NSMF: variants seen among roughly 807,000 people sequenced by gnomAD.
The protein encoded by NSMF is nasal embryonic LHRH factor.
In NSMF, 31 loss-of-function variants were observed where a neutral mutation model predicts 71.0. The ratio of observed to expected loss-of-function variants is 0.44; its 90% confidence interval spans 0.33 to 0.59. The LOEUF is 0.59. Ranked by LOEUF, NSMF falls within the 20% of genes least tolerant of loss-of-function variation. The pLI, the probability that NSMF is intolerant of heterozygous loss-of-function variation, is 0.04. For synonymous variants in NSMF, 345 were observed against 287.1 expected (o/e 1.20, Z -2.04); for missense variants, 673 against 740.5 (o/e 0.91, Z 1.06).
chr9:137,452,330 C>T (rs1564260837), intron 12 of NSMF, 35 bp downstream of exon 12: 1 of 1,572,138 alleles, frequency 6.4e-7, no homozygotes, highest in Non-Finnish European at 8.7e-7. Context: ...CACCACGATT[C>T]TTCTCCTGGT....
chr9:137,457,758 C>A lies in NSMF; in HGVS notation c.277G>T (p.Ala93Ser). Reference protein sequence around the residue: ...LSEEPSIRKPAGEGPQPRVYT... With the variant: ...LSEEPSIRKPSGEGPQPRVYT... ...ACTCGAGGCTGAGGGCCCTCGCCTGCGGGCTTCCTAATGCTGGGCTCCTCT... is the reference window on the plus strand; with the variant it reads ...ACTCGAGGCTGAGGGCCCTCGCCTGAGGGCTTCCTAATGCTGGGCTCCTCT... The change falls in exon 3 of 16, where the codon GCA becomes TCA. Residue 93 changes from alanine to serine, a missense_variant. By Grantham distance (99) the Ala-to-Ser change is moderately conservative. Coordinates refer to ENST00000371475, the MANE Select transcript of NSMF (RefSeq NM_001130969.3). The A allele has an allele frequency of 6.4e-7, 1 of 1,559,654 alleles. No homozygotes were observed. Among genetic ancestry groups the A allele is most frequent in the Non-Finnish European group, 8.7e-7 (1 of 1,151,986 alleles).
intron 9 of NSMF, 101 bp downstream of exon 9, chr9:137,452,955 G>A: frequency 6.3e-7 from 1 of 1,584,518 alleles, no homozygotes; most frequent in Non-Finnish European, 8.6e-7. Context: ...CCCCCAGGCA[G>A]CTGGAGAAGG....
intron 2 of NSMF, among the ~76,000 whole-genome samples, chr9:137,458,225 G>A (rs1458888437): frequency 6.6e-6 from 1 of 152,206 alleles, no homozygotes; most frequent in Admixed American, 6.5e-5. Context: ...GGCCCCCAGA[G>A]GCAGTGGTGC....
chr9:137,455,820 C>T lies in NSMF; in HGVS notation c.705-186G>A, dbSNP rs546620195. 2.5e-3 allele frequency among the ~76,000 whole-genome samples: 387 copies of T among 152,344 alleles called. 5 individuals carry two copies. Among genetic ancestry groups the T allele is most frequent in the East Asian group, 2.5e-3 (13 of 5,182 alleles). On this transcript the variant is annotated intron_variant, in intron 4 of 15. Transcript: ENST00000371475. ...CTGCTGGCCAGCCCTGAATGGGCAA[C>T]GGAAGCTGATGTCACTGCAGCCCAT... is the stretch of plus-strand genomic sequence containing the variant.
rs557151082 is a variant in NSMF at position 137,455,691 on chromosome 9, C to CG, written c.705-58dup. 6.3e-4 allele frequency: 974 copies of CG among 1,546,780 alleles called. 5 individuals are homozygous for CG. In the African/African-American group the frequency reaches 0.012, roughly 19 times the overall value. Reference sequence around the variant, plus strand: ...AGAGAAGACACAGTGAGCTCAACCCCGGGCCTCCCCTCAGCCCCCACCCGG... The same window carrying CG: ...AGAGAAGACACAGTGAGCTCAACCCCGGGGCCTCCCCTCAGCCCCCACCCGG... On this transcript the variant is annotated intron_variant, in intron 4 of 15. Coordinates refer to ENST00000371475, the MANE Select transcript of NSMF (RefSeq NM_001130969.3).
intron 12 of NSMF, among the ~76,000 whole-genome samples, chr9:137,451,189 A>G (rs1196988483): frequency 3.9e-4 from 1 of 2,578 alleles, no homozygotes; most frequent in Admixed American, 4.3e-3. Flanking sequence ...GGTCTTCCCC[A>G]CCACACGCCT....
Position 137,452,418 on chromosome 9 carries a change from G to C in NSMF, c.1183C>G (p.Leu395Val). The change falls in exon 12 of 16, where the codon CTG becomes GTG. Residue 395 changes from leucine (L) to valine (V), a missense_variant. Physicochemically the swap from Leu to Val is conservative, Grantham distance 32 (BLOSUM62 1). Around this residue, in one of 2 missense-constraint regions of NSMF, gnomAD observed 202 missense variants for 280.8 expected, o/e 0.72. Coordinates refer to ENST00000371475, the MANE Select transcript of NSMF (RefSeq NM_001130969.3). Reference sequence around the variant, plus strand: ...TTGGCTCCCTTGTGGTAGACGTTCAGCTTCCTCTCTATCTCCTCTGTGGGA... The same window carrying C: ...TTGGCTCCCTTGTGGTAGACGTTCACCTTCCTCTCTATCTCCTCTGTGGGA... ...EDILEEIERK[L>V]NVYHKGAKIW... 2 of 1,612,570 alleles carry C rather than the reference G, an allele frequency of 1.2e-6. No homozygotes were observed. The highest frequency in any genetic ancestry group is 1.7e-6 in the Non-Finnish European group (2 of 1,179,880).
Position 137,453,663 on chromosome 9 carries a change from C to A in NSMF, c.922+68G>T. The A allele has an allele frequency of 3.8e-6, 5 of 1,305,820 alleles. No homozygotes were observed. The highest frequency in any genetic ancestry group is 5.2e-6 in the Non-Finnish European group (5 of 953,000). The allele number at this position is 1,305,820 out of a possible 1,614,324, so 80.9% of individuals were successfully genotyped here. Reference sequence around the variant, plus strand: ...CAGCCCAGCGGCCCTGGCAGGGGACCCCCAGCAGGGGTCTGGGGTCTAGGG... The same window carrying A: ...CAGCCCAGCGGCCCTGGCAGGGGACACCCAGCAGGGGTCTGGGGTCTAGGG... On this transcript the variant is annotated intron_variant, in intron 8 of 15. Coordinates refer to ENST00000371475, the MANE Select transcript of NSMF (RefSeq NM_001130969.3). The surrounding 1 kb of genome is among the most constrained non-coding windows in gnomAD (Gnocchi z 4.5).
At position 137,453,657 on chromosome 9, in the gene NSMF, G is replaced by A. The variant is rs1336496832; in HGVS notation, c.922+74C>T. The A allele has an allele frequency of 4.9e-6, 6 of 1,223,242 alleles. No homozygotes were observed. Among genetic ancestry groups the A allele is most frequent in the Non-Finnish European group, 6.8e-6 (6 of 881,906 alleles). 75.8% of individuals were successfully genotyped at this position (1,223,242 alleles called of 1,614,324 possible). A position where few individuals can be genotyped will look rare whatever the true frequency, so the allele number is the denominator to read the frequency against. ...AAAGCGCAGCCCAGCGGCCCTGGCA[G>A]GGGACCCCCAGCAGGGGTCTGGGGT... On this transcript the variant is annotated intron_variant, in intron 8 of 15. Coordinates refer to ENST00000371475, the MANE Select transcript of NSMF (RefSeq NM_001130969.3). This position sits in a 1 kb window ranked among gnomAD's most constrained non-coding sequence, Gnocchi z 4.5.
chr9:137,454,218 T>C (rs1053170687), intron 7 of NSMF, among the ~76,000 whole-genome samples, 173 bp downstream of exon 7: 11 of 15,256 alleles, frequency 7.2e-4, no homozygotes, highest in African/African-American at 3.1e-3. Context: ...GGGGCGTGGC[T>C]GGGAGGGGAG....
chr9:137,456,735 C>T (rs951034398), intron 3 of NSMF, among the ~76,000 whole-genome samples: 1 of 152,222 alleles, frequency 6.6e-6, no homozygotes, highest in Non-Finnish European at 1.5e-5. Flanking sequence ...TCCCTTTGGC[C>T]ACCCAAAGTT....
intron 12 of NSMF, 110 bp downstream of exon 12, chr9:137,452,255 C>T: frequency 1.8e-6 from 2 of 1,084,994 alleles, no homozygotes; most frequent in South Asian, 2.6e-5. Flanking sequence ...CTTGGTCTCC[C>T]CACCCCAACC....
In NSMF at chr9:137,449,250, G is replaced by A. The variant is rs1053466593; in HGVS notation, c.*144C>T. On this transcript the variant is annotated 3_prime_UTR_variant, in exon 16 of 16. Transcript: ENST00000371475. ...CAGCGAGGACCGGAACCCACAGGGGGAACCTGAGCAACGTCTGAGGTGCCC... is the reference window on the plus strand; with the variant it reads ...CAGCGAGGACCGGAACCCACAGGGGAAACCTGAGCAACGTCTGAGGTGCCC... The A allele has an allele frequency of 1.4e-6, 1 of 712,572 alleles. No individual in the cohort carries two copies. Among genetic ancestry groups the A allele is most frequent in the Non-Finnish European group, 2.5e-6 (1 of 403,558 alleles). The allele number at this position is 712,572 out of a possible 1,614,324, so 44.1% of individuals were successfully genotyped here.
At position 137,456,537 on chromosome 9, in the gene NSMF, G is replaced by C. The variant is rs369114996; in HGVS notation, c.629-51C>G. 15 of 1,261,190 alleles carry C rather than the reference G, an allele frequency of 1.2e-5. No individual in the cohort carries two copies. In the African/African-American group the frequency reaches 1.6e-4, roughly 14 times the overall value. The allele number at this position is 1,261,190 out of a possible 1,614,324, so 78.1% of individuals were successfully genotyped here. A position where few individuals can be genotyped will look rare whatever the true frequency, so the allele number is the denominator to read the frequency against. On this transcript the variant is annotated intron_variant, in intron 3 of 15. Transcript: ENST00000371475. ...GCTGGGTGAAGTAGGGGTTCCTGAA[G>C]CCTCTCCCTCCCTGTTGGGAAGCAG...
At chr9:137,458,040 G>T in intron 2 of NSMF, 139 bp from the exon 3 acceptor site, 2 of 1,255,048 alleles carry the variant, frequency 1.6e-6, no homozygotes, top group Non-Finnish European at 2.2e-6. Context: ...CTAGTCACTG[G>T]CGTGTTTCTG....
At chr9:137,457,349 G>A in intron 3 of NSMF, 58 bp downstream of exon 3, 2 of 1,610,230 alleles carry the variant, frequency 1.2e-6, no homozygotes, top group Non-Finnish European at 1.7e-6. Context: ...GCTGCTGTCA[G>A]ACCCTGGCAG....
At chr9:137,452,458 G>A (rs201979753) in intron 11 of NSMF, 23 bp from the exon 12 acceptor site, 724 of 1,611,636 alleles carry the variant, frequency 4.5e-4, no homozygotes, top group Non-Finnish European at 6.0e-4. Flanking sequence ...GGGTGTGAGT[G>A]CTGCGGCCCC....
At chr9:137,456,345 G>T in intron 4 of NSMF, 66 bp downstream of exon 4, 1 of 1,277,614 alleles carries the variant, frequency 7.8e-7, no homozygotes, top group Non-Finnish European at 1.1e-6. Context: ...GGGAAAAAGT[G>T]CTGTTTCCTG....
Position 137,453,661 on chromosome 9 carries a change from A to G in NSMF, c.922+70T>C. On this transcript the variant is annotated intron_variant, in intron 8 of 15. Transcript: ENST00000371475. The surrounding 1 kb of genome is among the most constrained non-coding windows in gnomAD (Gnocchi z 4.5). ...CGCAGCCCAGCGGCCCTGGCAGGGG[A>G]CCCCCAGCAGGGGTCTGGGGTCTAG... 8.1e-7 allele frequency: 1 copy of G among 1,235,896 alleles called. No homozygotes were observed. Among genetic ancestry groups the G allele is most frequent in the Admixed American group, 2.5e-5 (1 of 39,918 alleles). 76.6% of individuals were successfully genotyped at this position (1,235,896 alleles called of 1,614,324 possible). A position where few individuals can be genotyped will look rare whatever the true frequency, so the allele number is the denominator to read the frequency against.
Sources: allele counts gnomAD v4.1 joint callset (sites outside exome capture counted in the v4.1 genomes callset), GRCh38; gene constraint gnomAD v4.1.1; regional missense constraint gnomAD v4.1.1; non-coding constraint Gnocchi (gnomAD v3.1); transcripts MANE v1.5; gene names NCBI Gene and HGNC (gene_info 2026-07-23, HGNC 2026-07-21).